Variants in CLPTM1L observed in about 807,000 individuals in gnomAD.
The protein encoded by CLPTM1L is lipid scramblase CLPTM1L.
A neutral mutation model predicts 70.9 loss-of-function variants in CLPTM1L; 38 were observed. That is an observed-to-expected ratio of 0.54 (90% CI 0.41 to 0.70). The LOEUF (loss-of-function observed/expected upper bound fraction) is 0.70. Among genes scored for constraint, CLPTM1L ranks in the 30% least tolerant of loss-of-function variants. The pLI, the probability that CLPTM1L is intolerant of heterozygous loss-of-function variation, is 0.00. For missense variants in CLPTM1L, 652 were observed against 705.9 expected (o/e 0.92, Z 0.87); for synonymous variants, 339 against 299.9 (o/e 1.13, Z -1.35).
At chr5:1,337,030 A>T (rs1436617788) in intron 5 of CLPTM1L, among the ~76,000 whole-genome samples, 1 of 152,178 alleles carries the variant, frequency 6.6e-6, no homozygotes, top group Non-Finnish European at 1.5e-5. Context: ...CAGAGGTCAG[A>T]GGTGCCGAGA....
chr5:1,329,507 ACT>A (rs1326089716), intron 9 of CLPTM1L, among the ~76,000 whole-genome samples: 22 of 135,780 alleles, frequency 1.6e-4, no homozygotes, highest in African/African-American at 6.1e-4. Flanking sequence ...GAGCCTCAGG[ACT>A]CTCTGCTTGG....
At chr5:1,329,275 C>T (rs532391434) in intron 9 of CLPTM1L, among the ~76,000 whole-genome samples, 90 of 152,400 alleles carry the variant, frequency 5.9e-4, no homozygotes, top group Middle Eastern at 3.4e-3. Context: ...GAGTGATTTC[C>T]GTCAGTGCCT....
chr5:1,331,818 G>C lies in CLPTM1L; in HGVS notation c.957C>G (p.Ile319Met), dbSNP rs142281891. Residue 319 changes from isoleucine to methionine, a missense_variant, in exon 8 of 17, where the codon ATC becomes ATG. By Grantham distance (10) the Ile-to-Met change is conservative. Around this residue, in one of 3 missense-constraint regions of CLPTM1L, gnomAD observed 240 missense variants for 295.0 expected, o/e 0.81. Transcript: ENST00000320895. ...ISFWKKKKSM[I>M]GMSTKAVLWR... ...GCCTACCTGCCTTGGTGGACATGCC[G>C]ATCATGCTCTTCTTCTTCTTCCAGA... 2.5e-6 allele frequency: 4 copies of C among 1,613,254 alleles called. No homozygotes were observed. Among genetic ancestry groups the C allele is most frequent in the Non-Finnish European group, 3.4e-6 (4 of 1,179,972 alleles).
At chr5:1,336,791 C>T (rs978077099) in intron 5 of CLPTM1L, among the ~76,000 whole-genome samples, 48 of 152,264 alleles carry the variant, frequency 3.2e-4, no homozygotes, top group African/African-American at 1.2e-3. Context: ...TCAGTGACCC[C>T]AGAAGTGAAG....
intron 9 of CLPTM1L, among the ~76,000 whole-genome samples, chr5:1,329,775 G>A (rs1752958514): frequency 9.2e-6 from 1 of 108,768 alleles, no homozygotes; most frequent in East Asian, 2.4e-4. Context: ...AGGACTCTCT[G>A]CCTGGTGGAC....
intron 5 of CLPTM1L, among the ~76,000 whole-genome samples, chr5:1,337,487 G>A (rs554887383): frequency 1.4e-4 from 22 of 152,354 alleles, no homozygotes; most frequent in Middle Eastern, 3.4e-3. Context: ...TCCTCTGGCC[G>A]CCTGTGCAGG....
chr5:1,322,741 A>T (rs111625867), intron 13 of CLPTM1L, 136 bp downstream of exon 13: 1 of 880,308 alleles, frequency 1.1e-6, no homozygotes, highest in African/African-American at 1.7e-5. Context: ...GGCACCGCAC[A>T]TGTGCCAGAA....
At chr5:1,344,653 C>T (rs1176958863) in intron 1 of CLPTM1L, 27 bp downstream of exon 1, 1 of 1,543,958 alleles carries the variant, frequency 6.5e-7, no homozygotes, top group Non-Finnish European at 8.7e-7. Flanking sequence ...CCCAACCCGC[C>T]CGGCCCCCGG....
At chr5:1,333,293 G>A (rs1236985501) in intron 7 of CLPTM1L, among the ~76,000 whole-genome samples, 3 of 135,778 alleles carry the variant, frequency 2.2e-5, no homozygotes, top group Non-Finnish European at 3.1e-5. Context: ...ATGAGGATAA[G>A]GGGAGACTAC....
At position 1,328,709 on chromosome 5, in the gene CLPTM1L, T is replaced by A. The variant is rs1248137414; in HGVS notation, c.1080+1571A>T. Among the ~76,000 whole-genome samples the A allele has an allele frequency of 1.3e-5, 2 of 148,354 alleles. 1 individual carries two copies. The highest frequency in any genetic ancestry group is 3.0e-5 in the Non-Finnish European group (2 of 66,274). On this transcript the variant is annotated intron_variant, in intron 9 of 16. Transcript: ENST00000320895. ...ATCCAGCTCCTCCTCTATAGACACATTCCATCCAGCTCCTCCTCTACAGAC... is the reference window on the plus strand; with the variant it reads ...ATCCAGCTCCTCCTCTATAGACACAATCCATCCAGCTCCTCCTCTACAGAC...
chr5:1,333,323 G>C, intron 7 of CLPTM1L, among the ~76,000 whole-genome samples: 1 of 133,648 alleles, frequency 7.5e-6, no homozygotes. Flanking sequence ...ACGGGATGAG[G>C]ATGAGGGACT....
chr5:1,338,776 G>A, intron 4 of CLPTM1L, 84 bp downstream of exon 4: 1 of 1,540,776 alleles, frequency 6.5e-7, no homozygotes, highest in Non-Finnish European at 8.9e-7. Context: ...ACTCCACGGT[G>A]CAGGAGTGAC....
rs1293436523 is a variant in CLPTM1L at position 1,320,708 on chromosome 5, G to A, written c.1440C>T (p.Asp480=). The change falls in exon 16 of 17, where the codon GAC becomes GAT. Residue 480 remains aspartate (D), a synonymous_variant. Transcript: ENST00000320895. ...TYKAFNTFID[D]VFAFIITMPT... is the part of the protein sequence containing the mutation. ...GCATGGTGATGATGAAGGCAAAGAC[G>A]TCATCAATGAAGGTGTTGAAAGCCT... 10 of 1,546,500 alleles carry A rather than the reference G, an allele frequency of 6.5e-6. No individual in the cohort carries two copies. The highest frequency in any genetic ancestry group is 5.9e-5 in the Admixed American group (3 of 50,682).
At chr5:1,324,933 G>A (rs1332358888) in intron 10 of CLPTM1L, 120 bp from the exon 11 acceptor site, 1 of 876,688 alleles carries the variant, frequency 1.1e-6, no homozygotes, top group African/African-American at 1.6e-5. Flanking sequence ...ACTACAGAGG[G>A]CGCTCAGGTC....
Position 1,337,695 on chromosome 5 carries a change from C to T in CLPTM1L, c.678+209G>A, listed in dbSNP as rs547319020. On this transcript the variant is annotated intron_variant, in intron 5 of 16. Coordinates refer to ENST00000320895, the MANE Select transcript of CLPTM1L (RefSeq NM_030782.5). ...ACAGTCCAGAGGCTCAGCAGGACCC[C>T]GCAGCCAGCCAACGGCAAACCCAGC... Among the ~76,000 whole-genome samples the T allele has an allele frequency of 4.6e-5, 7 of 152,344 alleles. No homozygotes were observed. In the South Asian group the frequency reaches 8.3e-4, roughly 18 times the overall value.
At chr5:1,344,520 C>G in intron 1 of CLPTM1L, 69 bp from the exon 2 acceptor site, 2 of 1,512,348 alleles carry the variant, frequency 1.3e-6, no homozygotes, top group East Asian at 4.5e-5. Context: ...ATCCCACGGC[C>G]AGCTGGAGGG....
chr5:1,327,648 TC>T (rs2111214505), intron 9 of CLPTM1L, among the ~76,000 whole-genome samples: 1 of 149,238 alleles, frequency 6.7e-6, no homozygotes, highest in Admixed American at 6.6e-5. Context: ...ACCCAGCTCC[TC>T]CTCTACAGAC....
intron 3 of CLPTM1L, 54 bp downstream of exon 3, chr5:1,341,617 T>C: frequency 6.8e-7 from 1 of 1,475,864 alleles, no homozygotes; most frequent in Non-Finnish European, 9.2e-7. Flanking sequence ...GAAAGACATG[T>C]CCGTTCTGAC....
intron 14 of CLPTM1L, 42 bp from the exon 15 acceptor site, chr5:1,321,721 C>G (rs746802868): frequency 6.2e-7 from 1 of 1,613,934 alleles, no homozygotes; most frequent in Non-Finnish European, 8.5e-7. Context: ...GTGGGCAGCA[C>G]AGGAGACGGG....
Sources: allele counts gnomAD v4.1 joint callset (sites outside exome capture counted in the v4.1 genomes callset), GRCh38; gene constraint gnomAD v4.1.1; regional missense constraint gnomAD v4.1.1; transcripts MANE v1.5; gene names NCBI Gene and HGNC (gene_info 2026-07-23, HGNC 2026-07-21).